Variants in SAMTOR observed in about 807,000 individuals in gnomAD.
SAMTOR encodes the protein UPF0532 protein C7orf60.
At chr7:112,937,660 G>A in the SAMTOR span, among the ~76,000 whole-genome samples, 1 of 150,736 alleles carries the variant, frequency 6.6e-6, no homozygotes, top group Admixed American at 6.6e-5. Context: ...TATCATTCAA[G>A]CAAAGCCTAG....
chr7:112,869,577 C>A, the SAMTOR span, among the ~76,000 whole-genome samples: 57 of 151,046 alleles, frequency 3.8e-4, no homozygotes, highest in Admixed American at 1.1e-3. Context: ...AAAAAAAAAA[C>A]CATCCCAATG....
chr7:112,885,657 T>C, the SAMTOR span, among the ~76,000 whole-genome samples: 2 of 152,192 alleles, frequency 1.3e-5, no homozygotes, highest in African/African-American at 4.8e-5. Context: ...TCAAAACCAT[T>C]TGACAAGTCT....
At chr7:112,924,819 CT>C in the SAMTOR span, among the ~76,000 whole-genome samples, 137,789 of 151,402 alleles carry the variant, frequency 0.91, 63,126 homozygotes, top group East Asian at 1. Context: ...GGCCAATGTT[CT>C]TTTTTTTTTA....
chr7:112,863,389 T>G, the SAMTOR span, among the ~76,000 whole-genome samples: 7 of 152,248 alleles, frequency 4.6e-5, no homozygotes, highest in Admixed American at 6.5e-5. Flanking sequence ...TACTTCGTGA[T>G]GAAGATGCTA....
the SAMTOR span, among the ~76,000 whole-genome samples, chr7:112,916,896 C>T: frequency 1.1e-4 from 17 of 152,322 alleles, no homozygotes; most frequent in Non-Finnish European, 2.1e-4. Flanking sequence ...GGGGGAGGGG[C>T]GCCCGCCATT....
the SAMTOR span, among the ~76,000 whole-genome samples, chr7:112,906,255 T>C: frequency 0.052 from 7,845 of 152,270 alleles, 270 homozygotes; most frequent in Non-Finnish European, 0.076. Context: ...TGTAGGCCAC[T>C]GTAACACAAT....
At chr7:112,854,251 TA>T in the SAMTOR span, among the ~76,000 whole-genome samples, 1 of 152,118 alleles carries the variant, frequency 6.6e-6, no homozygotes, top group African/African-American at 2.4e-5. Flanking sequence ...TCTGTATGCA[TA>T]AAAAAATCCC....
chr7:112,879,475 C>A, the SAMTOR span, among the ~76,000 whole-genome samples: 1 of 151,934 alleles, frequency 6.6e-6, no homozygotes. Flanking sequence ...AAGATAACAT[C>A]GCAGTGACAG....
chr7:112,877,469 GA>G, the SAMTOR span, among the ~76,000 whole-genome samples: 2 of 152,088 alleles, frequency 1.3e-5, no homozygotes, highest in African/African-American at 4.8e-5. Flanking sequence ...ACGTATAGGT[GA>G]AATACTTTTA....
the SAMTOR span, chr7:112,820,375 C>T: frequency 6.6e-6 from 1 of 152,132 alleles, no homozygotes; most frequent in Admixed American, 6.6e-5. Flanking sequence ...CCTTTAAAAA[C>T]ATACAAACAT....
the SAMTOR span, among the ~76,000 whole-genome samples, chr7:112,925,765 A>G: frequency 1.3e-5 from 2 of 150,744 alleles, no homozygotes; most frequent in Non-Finnish European, 3.0e-5. Context: ...TTGCACTCCA[A>G]CCTGGGTGAC....
At chr7:112,912,708 T>C in the SAMTOR span, among the ~76,000 whole-genome samples, 1 of 152,080 alleles carries the variant, frequency 6.6e-6, no homozygotes, top group Non-Finnish European at 1.5e-5. Context: ...AATTTAACCA[T>C]ATCTTGCCAC....
chr7:112,819,718 A>ATGCTC, the SAMTOR span: 1 of 152,540 alleles, frequency 6.6e-6, no homozygotes, highest in Non-Finnish European at 1.5e-5. Context: ...ACATCTGTAA[A>ATGCTC]CAATCAGAAT....
the SAMTOR span, among the ~76,000 whole-genome samples, chr7:112,929,211 A>G: frequency 6.6e-6 from 1 of 150,524 alleles, no homozygotes; most frequent in African/African-American, 2.5e-5. Flanking sequence ...AATATCCAAA[A>G]GATATATAAA....
chr7:112,895,434 C>T, the SAMTOR span: 1 of 557,446 alleles, frequency 1.8e-6, no homozygotes. Context: ...AATAATATTA[C>T]CTATCTGCAT....
At chr7:112,821,522 G>A in the SAMTOR span, 2 of 404,476 alleles carry the variant, frequency 4.9e-6, no homozygotes, top group Admixed American at 4.1e-5. Context: ...TAAAGTAACA[G>A]TAGTTTCTGC....
chr7:112,824,066 T>TTTAC, the SAMTOR span, among the ~76,000 whole-genome samples: 1 of 151,980 alleles, frequency 6.6e-6, no homozygotes, highest in Non-Finnish European at 1.5e-5. Flanking sequence ...GAGTTCTTTA[T>TTTAC]TCTTGATGCA....
At chr7:112,839,955 T>C in the SAMTOR span, among the ~76,000 whole-genome samples, 2 of 151,904 alleles carry the variant, frequency 1.3e-5, no homozygotes, top group Non-Finnish European at 2.9e-5. Context: ...ATTGGATTTT[T>C]ATATTCAGAG....
the SAMTOR span, among the ~76,000 whole-genome samples, chr7:112,835,796 T>G: frequency 1.3e-5 from 2 of 152,112 alleles, no homozygotes; most frequent in Non-Finnish European, 2.9e-5. Context: ...CCATCCATGT[T>G]GCTAAAAAGG....
Sources: allele counts gnomAD v4.1 joint callset (sites outside exome capture counted in the v4.1 genomes callset), GRCh38; gene constraint gnomAD v4.1.1; transcripts MANE v1.5; gene names NCBI Gene and HGNC (gene_info 2026-07-23, HGNC 2026-07-21).